Variants in EDARADD observed in about 807,000 individuals in gnomAD.
EDARADD encodes ectodysplasin-A receptor-associated adapter protein.
A neutral mutation model predicts 25.6 loss-of-function variants in EDARADD; 20 were observed. The observed-to-expected ratio is 0.78, with a 90% CI of 0.55 to 1.14. EDARADD has a LOEUF of 1.14. EDARADD is among the 50% of genes most tolerant of loss of function. The pLI is 0.00. For missense variants in EDARADD, 225 were observed against 270.1 expected, an observed-to-expected ratio of 0.83 and a Z score of 1.17; for synonymous variants, 86 against 94.4, an observed-to-expected ratio of 0.91 and a Z score of 0.52.
At chr1:236,423,728 C>T (rs1380758465) in intron 3 of EDARADD, among the ~76,000 whole-genome samples, 1 of 152,132 alleles carries the variant, frequency 6.6e-6, no homozygotes, top group Non-Finnish European at 1.5e-5. Context: ...ATTTTCTAGT[C>T]ACTAATTGGA....
intron 3 of EDARADD, among the ~76,000 whole-genome samples, chr1:236,422,567 A>G (rs568558550): frequency 6.6e-6 from 1 of 152,314 alleles, no homozygotes; most frequent in East Asian, 1.9e-4. Flanking sequence ...TTCCTTTATC[A>G]GGGATATCCT....
At chr1:236,428,202 T>C (rs1382262499) in intron 4 of EDARADD, among the ~76,000 whole-genome samples, 2 of 152,116 alleles carry the variant, frequency 1.3e-5, no homozygotes, top group Admixed American at 6.6e-5. Context: ...TTCAAGCATC[T>C]GTTTAACAAA....
intron 4 of EDARADD, among the ~76,000 whole-genome samples, chr1:236,453,234 A>G (rs1170670547): frequency 6.6e-6 from 1 of 151,906 alleles, no homozygotes; most frequent in Non-Finnish European, 1.5e-5. Context: ...TACTGTCAAC[A>G]ACAGACCATG....
At chr1:236,442,813 ATGT>A (rs1199638384) in intron 4 of EDARADD, among the ~76,000 whole-genome samples, 1 of 152,202 alleles carries the variant, frequency 6.6e-6, no homozygotes, top group Non-Finnish European at 1.5e-5. Context: ...AAGGAAATTA[ATGT>A]TGTTTTCATG....
At chr1:236,447,211 TCTTTCTTTCTTTCCTTTCTTTC>T (rs1558127437) in intron 4 of EDARADD, among the ~76,000 whole-genome samples, 39 of 46,020 alleles carry the variant, frequency 8.5e-4, no homozygotes, top group Non-Finnish European at 1.8e-3. Flanking sequence ...TTTCTTTCTT[TCTTTCTTTCTTTCCTTTCTTTC>T]CTTTCTTTCC....
intron 3 of EDARADD, among the ~76,000 whole-genome samples, chr1:236,360,490 A>G (rs925879091): frequency 5.9e-5 from 9 of 151,998 alleles, no homozygotes; most frequent in Non-Finnish European, 1.3e-4. Flanking sequence ...CTATCAGGTA[A>G]ATAGAAGCAA....
chr1:236,411,188 G>A (rs991569846), intron 2 of EDARADD, among the ~76,000 whole-genome samples: 8 of 152,146 alleles, frequency 5.3e-5, no homozygotes, highest in Non-Finnish European at 8.8e-5. Context: ...TGGGGACAAA[G>A]TGATCTTTCC....
intron 1 of EDARADD, 70 bp downstream of exon 1, chr1:236,394,575 G>T: frequency 7.1e-7 from 1 of 1,417,070 alleles, no homozygotes; most frequent in Non-Finnish European, 9.8e-7. Flanking sequence ...GCTTATTTAC[G>T]ATAATTCTTG....
At chr1:236,471,472 G>GAA (rs11303149) in intron 5 of EDARADD, among the ~76,000 whole-genome samples, 2 of 139,736 alleles carry the variant, frequency 1.4e-5, no homozygotes, top group South Asian at 4.5e-4. Flanking sequence ...ACCACACACA[G>GAA]AAAAAAAAAA....
At chr1:236,481,289 T>C (rs1442623479) in intron 5 of EDARADD, among the ~76,000 whole-genome samples, 1 of 152,146 alleles carries the variant, frequency 6.6e-6, no homozygotes, top group Non-Finnish European at 1.5e-5. Flanking sequence ...AAGTGTCGGC[T>C]GGTTACTCAC....
intron 3 of EDARADD, among the ~76,000 whole-genome samples, chr1:236,361,891 A>C (rs1157465798): frequency 6.6e-6 from 1 of 151,804 alleles, no homozygotes; most frequent in African/African-American, 2.4e-5. Context: ...TTTTTGTATA[A>C]TTATATGCTT....
At position 236,399,316 on chromosome 1, in the gene EDARADD, G is replaced by A. The variant is rs138168460; in HGVS notation, c.61+4811G>A. On this transcript the variant is annotated intron_variant, in intron 1 of 5. Coordinates refer to ENST00000334232, the MANE Select transcript of EDARADD (RefSeq NM_145861.4). ...CCTGCCTTAGCCTCCCAAGTAGCTC[G>A]GATTACAGGGGTGTGCCACCACCCC... Among the ~76,000 whole-genome samples the A allele has an allele frequency of 3.0e-4, 45 of 152,166 alleles. 1 individual carries two copies. The East Asian group carries it at 6.2e-3, about 21-fold the overall frequency.
intron 4 of EDARADD, among the ~76,000 whole-genome samples, chr1:236,444,655 C>T (rs1325567659): frequency 2.0e-5 from 3 of 152,272 alleles, no homozygotes; most frequent in Non-Finnish European, 4.4e-5. Context: ...AACTCCTGAC[C>T]TCAGGTGATC....
chr1:236,444,578 C>T (rs1244213267), intron 4 of EDARADD, among the ~76,000 whole-genome samples: 1 of 152,160 alleles, frequency 6.6e-6, no homozygotes, highest in South Asian at 2.1e-4. Flanking sequence ...TGCGCCACCA[C>T]GCCTGGCTAA....
intron 3 of EDARADD, among the ~76,000 whole-genome samples, chr1:236,383,240 T>C (rs1490602535): frequency 1.3e-5 from 2 of 151,722 alleles, no homozygotes; most frequent in African/African-American, 2.4e-5. Flanking sequence ...ACTAAAAATA[T>C]AAAAATTAGC....
chr1:236,416,230 C>T (rs1657637835), intron 3 of EDARADD, among the ~76,000 whole-genome samples: 1 of 152,170 alleles, frequency 6.6e-6, no homozygotes, highest in Non-Finnish European at 1.5e-5. Flanking sequence ...GGTGAGAATT[C>T]AGTGAAATAA....
rs563976436 is a variant in EDARADD at position 236,355,500 on chromosome 1, C to CTTTTTTTTTT, written c.-6+4678_-6+4687dup. On this transcript the variant is annotated intron_variant, in intron 3 of 7. Transcript: ENST00000439430. Reference sequence around the variant, plus strand: ...CACTCATTCTCTTCTGCTTCTTCTTCTTTTTTTTTTTTTTTTTTTTTTTTT... The same window carrying CTTTTTTTTTT: ...CACTCATTCTCTTCTGCTTCTTCTTCTTTTTTTTTTTTTTTTTTTTTTTTTTTTTTTTTTT... Among the ~76,000 whole-genome samples, 32 of 73,170 alleles carry CTTTTTTTTTT rather than the reference C, an allele frequency of 4.4e-4. 1 individual carries two copies. Among genetic ancestry groups the CTTTTTTTTTT allele is most frequent in the East Asian group, 1.1e-3 (2 of 1,796 alleles). The allele number at this position is 73,170 out of a possible 152,430, so 48.0% of individuals were successfully genotyped here.
chr1:236,417,142 A>G (rs1657659090), intron 3 of EDARADD, among the ~76,000 whole-genome samples: 1 of 145,018 alleles, frequency 6.9e-6, no homozygotes, highest in Admixed American at 7.0e-5. Context: ...ATAAATAAAT[A>G]AATAAGTTGT....
intron 4 of EDARADD, among the ~76,000 whole-genome samples, chr1:236,467,913 G>C (rs1659259177): frequency 6.6e-6 from 1 of 152,080 alleles, no homozygotes; most frequent in South Asian, 2.1e-4. Flanking sequence ...ACGAACTATG[G>C]TGCCCAGCTG....
Sources: allele counts gnomAD v4.1 joint callset (sites outside exome capture counted in the v4.1 genomes callset), GRCh38; gene constraint gnomAD v4.1.1; transcripts MANE v1.5; gene names NCBI Gene and HGNC (gene_info 2026-07-23, HGNC 2026-07-21).